Variants in TP53BP1 observed in about 807,000 individuals in gnomAD.
TP53BP1 encodes the protein TP53-binding protein 1.
In TP53BP1, 61 loss-of-function variants were observed where a neutral mutation model predicts 200.8. That is an observed-to-expected ratio of 0.30 (90% CI 0.25 to 0.38). The LOEUF (loss-of-function observed/expected upper bound fraction) is 0.38. Among genes scored for constraint, TP53BP1 ranks in the 10% least tolerant of loss-of-function variants. TP53BP1 has a pLI of 1.00. For missense variants in TP53BP1, 2,144 were observed against 2,371.9 expected, an observed-to-expected ratio of 0.90 and a Z score of 2.00; for synonymous variants, 822 against 844.3, an observed-to-expected ratio of 0.97 and a Z score of 0.46.
chr15:43,463,911 C>T (rs1191788887), intron 11 of TP53BP1, among the ~76,000 whole-genome samples: 1 of 152,166 alleles, frequency 6.6e-6, no homozygotes, highest in Non-Finnish European at 1.5e-5. Flanking sequence ...CCTCCCAACC[C>T]CCCTTCCCAC....
Position 43,406,137 on chromosome 15 carries a change from A to C in TP53BP1, c.*1246T>G, listed in dbSNP as rs2044867007. On this transcript the variant is annotated 3_prime_UTR_variant, in exon 28 of 28. Coordinates refer to ENST00000382044, the MANE Select transcript of TP53BP1 (RefSeq NM_001141980.3). Reference sequence around the variant, plus strand: ...GTTGTTAGATTTTTAAATACTGAAGATTGCAGGCCCAATTACCCATCTTAC... The same window carrying C: ...GTTGTTAGATTTTTAAATACTGAAGCTTGCAGGCCCAATTACCCATCTTAC... The C allele has an allele frequency of 6.6e-6, 1 of 151,980 alleles. No homozygotes were observed. The highest frequency in any genetic ancestry group is 6.6e-5 in the Admixed American group (1 of 15,256). The allele number at this position is 151,980 out of a possible 1,614,324, so 9.4% of individuals were successfully genotyped here.
intron 18 of TP53BP1, among the ~76,000 whole-genome samples, chr15:43,425,164 C>A (rs998619600): frequency 6.6e-5 from 10 of 152,254 alleles, no homozygotes; most frequent in Admixed American, 3.3e-4. Context: ...AAATAAATTT[C>A]TTTTATTTAT....
At chr15:43,457,526 G>A (rs1298013353) in intron 11 of TP53BP1, among the ~76,000 whole-genome samples, 1 of 151,684 alleles carries the variant, frequency 6.6e-6, no homozygotes, top group African/African-American at 2.4e-5. Flanking sequence ...AAAAAAATCA[G>A]CCAGGCGTGG....
chr15:43,456,614 G>T lies in TP53BP1; in HGVS notation c.1994C>A (p.Ser665Ter). The change falls in exon 12 of 28, where the codon TCA (serine) becomes TAA (stop). Residue 665 changes from serine (S) to a stop codon, truncating the protein, a stop_gained. Coordinates refer to ENST00000382044, the MANE Select transcript of TP53BP1 (RefSeq NM_001141980.3). LOFTEE classifies it high-confidence loss of function. Reference sequence around the variant, plus strand: ...AGGGATTTCTTCCACCTCAGACCCTGAAGACCCCTCCTCTGGATGGTGTTC... The same window carrying T: ...AGGGATTTCTTCCACCTCAGACCCTTAAGACCCCTCCTCTGGATGGTGTTC... ...IKEHHPEEGSSGSEVEEIPET... is the reference protein window; with the variant it reads ...IKEHHPEEGS 6.2e-7 allele frequency: 1 copy of T among 1,614,156 alleles called. No individual in the cohort carries two copies. The highest frequency in any genetic ancestry group is 8.5e-7 in the Non-Finnish European group (1 of 1,180,020).
intron 4 of TP53BP1, among the ~76,000 whole-genome samples, chr15:43,490,966 C>A (rs1079309): frequency 0.46 from 70,239 of 152,000 alleles, 21,282 homozygotes; most frequent in African/African-American, 0.87. Context: ...GACATGGTAA[C>A]AATTGAATCT....
chr15:43,438,002 G>T (rs1460139189), intron 16 of TP53BP1, among the ~76,000 whole-genome samples: 1 of 152,228 alleles, frequency 6.6e-6, no homozygotes, highest in African/African-American at 2.4e-5. Flanking sequence ...ACATCACATG[G>T]TGAGGGTGCA....
Position 43,420,566 on chromosome 15 carries a change from C to T in TP53BP1, c.4420G>A (p.Ala1474Thr), listed in dbSNP as rs755996080. 3.1e-6 allele frequency: 5 copies of T among 1,614,174 alleles called. No homozygotes were observed. Among genetic ancestry groups the T allele is most frequent in the Non-Finnish European group, 4.2e-6 (5 of 1,180,030 alleles). ...RSDSPEIPFQ[A>T]AAGPSDGLDA... ...AAGCCATCAGAAGGGCCAGCAGCAG[C>T]CTGGAAAGGAATTTCTGGAGAGTCA... Residue 1474 changes from alanine to threonine, a missense_variant, in exon 21 of 28, where the codon GCT becomes ACT. Around this residue, in one of 4 missense-constraint regions of TP53BP1, gnomAD observed 49 missense variants for 60.7 expected, o/e 0.81. Coordinates refer to ENST00000382044, the MANE Select transcript of TP53BP1 (RefSeq NM_001141980.3).
chr15:43,480,367 GA>G (rs2078946193), intron 5 of TP53BP1, among the ~76,000 whole-genome samples: 3 of 152,236 alleles, frequency 2.0e-5, no homozygotes, highest in Admixed American at 1.3e-4. Flanking sequence ...AGAATGGCTT[GA>G]ACCCAGGAGG....
chr15:43,476,052 G>A (rs1350063061), intron 8 of TP53BP1, among the ~76,000 whole-genome samples: 2 of 152,064 alleles, frequency 1.3e-5, no homozygotes, highest in Non-Finnish European at 2.9e-5. Flanking sequence ...ATCATCTGAG[G>A]TCAGGAGTTC....
chr15:43,403,642 C>A lies in TP53BP1; in HGVS notation c.*3741G>T, dbSNP rs558556823. On this transcript the variant is annotated 3_prime_UTR_variant, in exon 28 of 28. Coordinates refer to ENST00000382044, the MANE Select transcript of TP53BP1 (RefSeq NM_001141980.3). ...CTAACACTTTAACTTCATGGATGTACCTTCCTTCCTTTCCTAATGCCAACT... is the reference window on the plus strand; with the variant it reads ...CTAACACTTTAACTTCATGGATGTAACTTCCTTCCTTTCCTAATGCCAACT... 3 of 1,412,180 alleles carry A rather than the reference C, an allele frequency of 2.1e-6. No individual in the cohort carries two copies. Among genetic ancestry groups the A allele is most frequent in the South Asian group, 1.2e-5 (1 of 85,256 alleles). 87.5% of individuals were successfully genotyped at this position (1,412,180 alleles called of 1,614,324 possible). A position where few individuals can be genotyped will look rare whatever the true frequency, so the allele number is the denominator to read the frequency against.
At chr15:43,429,955 A>G (rs541217819) in intron 17 of TP53BP1, among the ~76,000 whole-genome samples, 44 of 152,214 alleles carry the variant, frequency 2.9e-4, no homozygotes, top group Non-Finnish European at 5.0e-4. Context: ...GCTTCCCTGT[A>G]TTCTTCCAGT....
At chr15:43,488,678 G>T (rs1944140911) in intron 4 of TP53BP1, among the ~76,000 whole-genome samples, 1 of 152,202 alleles carries the variant, frequency 6.6e-6, no homozygotes, top group African/African-American at 2.4e-5. Flanking sequence ...TGGATCACTT[G>T]AGGTCAAGAG....
intron 11 of TP53BP1, among the ~76,000 whole-genome samples, chr15:43,469,242 T>C (rs72709856): frequency 6.6e-6 from 1 of 152,140 alleles, no homozygotes; most frequent in Non-Finnish European, 1.5e-5. Context: ...CCCTCGCTTT[T>C]AGAAGAAAAT....
At position 43,406,968 on chromosome 15, in the gene TP53BP1, T is replaced by G. The variant is rs1462948894; in HGVS notation, c.*415A>C. ...GCTGTGCCCAATTCCACTCAACTTTTGGCACAACTGTTAATCTGGGCCTTC... is the reference window on the plus strand; with the variant it reads ...GCTGTGCCCAATTCCACTCAACTTTGGGCACAACTGTTAATCTGGGCCTTC... On this transcript the variant is annotated 3_prime_UTR_variant, in exon 28 of 28. Coordinates refer to ENST00000382044, the MANE Select transcript of TP53BP1 (RefSeq NM_001141980.3). 4.4e-6 allele frequency: 1 copy of G among 229,452 alleles called. No homozygotes were observed. The highest frequency in any genetic ancestry group is 2.3e-5 in the African/African-American group (1 of 43,456). The allele number at this position is 229,452 out of a possible 1,614,324, so 14.2% of individuals were successfully genotyped here.
At chr15:43,407,818 T>C (rs984521156) in intron 27 of TP53BP1, 125 bp downstream of exon 27, 15 of 1,056,634 alleles carry the variant, frequency 1.4e-5, no homozygotes, top group Non-Finnish European at 2.1e-5. Context: ...AGGTGGTACT[T>C]TTCTTCTCTA....
upstream of TP53BP1, among the ~76,000 whole-genome samples, chr15:43,495,089 G>A (rs1213940551): frequency 6.6e-6 from 1 of 152,102 alleles, no homozygotes; most frequent in Non-Finnish European, 1.5e-5. Flanking sequence ...CTACTCAGGA[G>A]GCTGAGGTGA....
chr15:43,503,551 C>T (rs757878571), intron 1 of TP53BP1, among the ~76,000 whole-genome samples: 2 of 152,004 alleles, frequency 1.3e-5, no homozygotes, highest in African/African-American at 2.4e-5. Flanking sequence ...TCCAGCTACT[C>T]GGGAGGCTGA....
intron 13 of TP53BP1, chr15:43,446,883 C>CA (rs1270366730): frequency 9.5e-7 from 1 of 1,050,016 alleles, no homozygotes; most frequent in Admixed American, 2.2e-5. Flanking sequence ...CAGGAGACTC[C>CA]AGACGGCATG....
At chr15:43,423,926 ACT>A (rs2142993319) in intron 18 of TP53BP1, among the ~76,000 whole-genome samples, 1 of 151,118 alleles carries the variant, frequency 6.6e-6, no homozygotes, top group South Asian at 2.1e-4. Context: ...TCCTTTTCTC[ACT>A]CTCACATGCT....
Sources: gnomAD v4.1 joint callset for allele counts (sites outside exome capture counted in the v4.1 genomes callset) on GRCh38, gnomAD v4.1.1 for gene constraint, gnomAD v4.1.1 regional missense constraint, MANE v1.5 for transcripts, NCBI Gene and HGNC (gene_info 2026-07-23, HGNC 2026-07-21) for gene names.